Variants in PCCA observed in about 807,000 individuals in gnomAD.
The protein encoded by PCCA is propionyl-CoA carboxylase subunit alpha.
Under a neutral mutation model 101.3 loss-of-function variants are expected in PCCA, and 74 were observed. That is an observed-to-expected ratio of 0.73 (90% CI 0.61 to 0.89). The LOEUF is 0.89. Ranked by LOEUF, PCCA falls within the 40% of genes least tolerant of loss-of-function variation. The pLI is 0.00. For synonymous variants in PCCA, 294 were observed against 313.6 expected, an observed-to-expected ratio of 0.94 and a Z score of 0.66; for missense variants, 891 against 907.0, an observed-to-expected ratio of 0.98 and a Z score of 0.23.
chr13:100,268,481 C>T, intron 10 of PCCA: 5 of 625,310 alleles, frequency 8.0e-6, no homozygotes, highest in Admixed American at 7.7e-5. Context: ...TTCCTCAAAT[C>T]TTTTTGATAA....
At chr13:100,152,914 C>T (rs927263478) in intron 4 of PCCA, among the ~76,000 whole-genome samples, 2 of 152,120 alleles carry the variant, frequency 1.3e-5, no homozygotes, top group Non-Finnish European at 2.9e-5. Flanking sequence ...CTCCTTTTTA[C>T]TTTTGAATGC....
At chr13:100,148,996 T>TA (rs1158861471) in intron 4 of PCCA, among the ~76,000 whole-genome samples, 3 of 151,960 alleles carry the variant, frequency 2.0e-5, no homozygotes, top group Non-Finnish European at 4.4e-5. Context: ...AGCGAATCTT[T>TA]AAAAAAAATC....
At chr13:100,455,145 GA>G (rs1314007466) in intron 21 of PCCA, among the ~76,000 whole-genome samples, 1 of 152,222 alleles carries the variant, frequency 6.6e-6, no homozygotes, top group South Asian at 2.1e-4. Context: ...AACTGCTAAT[GA>G]AAAAAAGTAA....
chr13:100,517,678 TG>T (rs2086938465), intron 22 of PCCA, among the ~76,000 whole-genome samples: 1 of 152,100 alleles, frequency 6.6e-6, no homozygotes, highest in Non-Finnish European at 1.5e-5. Context: ...GCTGCTCAGG[TG>T]GGGCGTATAC....
chr13:100,212,551 A>G (rs1175262004), intron 7 of PCCA, among the ~76,000 whole-genome samples: 1 of 152,144 alleles, frequency 6.6e-6, no homozygotes, highest in Non-Finnish European at 1.5e-5. Context: ...TTTCTAATCC[A>G]TTTACTTCTT....
intron 18 of PCCA, among the ~76,000 whole-genome samples, chr13:100,361,648 T>C (rs762399905): frequency 2.6e-5 from 4 of 152,058 alleles, no homozygotes. Context: ...CTGAGCACCA[T>C]AAGGTCCTCA....
At chr13:100,268,489 TA>T (rs902315458) in intron 10 of PCCA, 199 bp from the exon 11 acceptor site, 2 of 639,416 alleles carry the variant, frequency 3.1e-6, no homozygotes, top group African/African-American at 3.7e-5. Context: ...ATCTTTTTGA[TA>T]AAAATGTTTT....
chr13:100,362,135 AC>A (rs2074680314), intron 18 of PCCA, among the ~76,000 whole-genome samples: 2 of 152,160 alleles, frequency 1.3e-5, no homozygotes, highest in South Asian at 2.1e-4. Context: ...CAAAAAAGCC[AC>A]AGTTTTTTTT....
chr13:100,363,275 A>T (rs2074826981), intron 18 of PCCA, among the ~76,000 whole-genome samples: 1 of 152,074 alleles, frequency 6.6e-6, no homozygotes, highest in South Asian at 2.1e-4. Context: ...AACAATTCAT[A>T]TACTAGATCT....
At chr13:100,375,517 C>CT (rs1205113587) in intron 19 of PCCA, among the ~76,000 whole-genome samples, 1 of 152,122 alleles carries the variant, frequency 6.6e-6, no homozygotes, top group East Asian at 1.9e-4. Context: ...TTTTAGGTCT[C>CT]TAAGAACTTG....
chr13:100,142,232 C>T (rs1425498463), intron 4 of PCCA, among the ~76,000 whole-genome samples: 1 of 152,144 alleles, frequency 6.6e-6, no homozygotes, highest in Non-Finnish European at 1.5e-5. Flanking sequence ...GGCATGCCAA[C>T]AGCTGCACTA....
At chr13:100,127,860 T>C (rs1209369614) in intron 4 of PCCA, among the ~76,000 whole-genome samples, 4 of 151,986 alleles carry the variant, frequency 2.6e-5, no homozygotes, top group African/African-American at 7.2e-5. Flanking sequence ...CCACTGCACT[T>C]CAGCCTGGGC....
chr13:100,108,308 T>C (rs1006459303), intron 2 of PCCA, among the ~76,000 whole-genome samples: 5 of 152,236 alleles, frequency 3.3e-5, no homozygotes, highest in Admixed American at 3.3e-4. Flanking sequence ...TCTCTTCTGG[T>C]ACCTGAATTC....
At chr13:100,424,281 C>A (rs1247628235) in intron 19 of PCCA, among the ~76,000 whole-genome samples, 2 of 152,072 alleles carry the variant, frequency 1.3e-5, no homozygotes, top group African/African-American at 4.8e-5. Context: ...CTTGGAGCAT[C>A]CCCGGATTTT....
intron 8 of PCCA, among the ~76,000 whole-genome samples, chr13:100,256,840 T>C (rs1187708151): frequency 1.3e-5 from 2 of 152,240 alleles, no homozygotes; most frequent in Non-Finnish European, 2.9e-5. Context: ...TGTACACTTT[T>C]CTTGATAAAT....
intron 5 of PCCA, among the ~76,000 whole-genome samples, chr13:100,155,836 A>G (rs186281622): frequency 6.6e-4 from 101 of 152,344 alleles, no homozygotes; most frequent in Admixed American, 4.8e-3. Flanking sequence ...ATGTTTTAGT[A>G]AGATGAATGT....
At chr13:100,502,898 G>A (rs767955222) in intron 21 of PCCA, among the ~76,000 whole-genome samples, 2 of 152,306 alleles carry the variant, frequency 1.3e-5, no homozygotes, top group Middle Eastern at 3.4e-3. Context: ...CAGAGCAGAC[G>A]GCAGAGGACA....
chr13:100,167,867 T>C (rs4772266), intron 6 of PCCA, among the ~76,000 whole-genome samples: 121,416 of 152,038 alleles, frequency 0.8, 48,682 homozygotes, highest in East Asian at 0.99. Context: ...CCCGGGTTCA[T>C]GCCATTCTCC....
At chr13:100,301,402 T>C (rs2066043581) in intron 12 of PCCA, 58 bp from the exon 13 acceptor site, 1 of 1,594,590 alleles carries the variant, frequency 6.3e-7, no homozygotes, top group African/African-American at 1.3e-5. Flanking sequence ...TTTTCTTGTT[T>C]GTTTCTATTT....
Sources: allele counts gnomAD v4.1 joint callset (sites outside exome capture counted in the v4.1 genomes callset), GRCh38; gene constraint gnomAD v4.1.1; transcripts MANE v1.5; gene names NCBI Gene and HGNC (gene_info 2026-07-23, HGNC 2026-07-21).